RANBP2: variants seen among roughly 807,000 people sequenced by gnomAD.
RANBP2 encodes the protein E3 SUMO-protein ligase RanBP2.
A neutral mutation model predicts 303.6 loss-of-function variants in RANBP2; 57 were observed. The ratio of observed to expected loss-of-function variants is 0.19; its 90% CI spans 0.15 to 0.23. The LOEUF is 0.23. Ranked by LOEUF, RANBP2 falls within the 10% of genes least tolerant of loss-of-function variation. The pLI, the probability that RANBP2 is intolerant of heterozygous loss-of-function variation, is 1.00. For synonymous variants in RANBP2, 1,167 were observed against 1,301.5 expected, an observed-to-expected ratio of 0.90 and a Z score of 2.23; for missense variants, 3,138 against 3,780.8, an observed-to-expected ratio of 0.83 and a Z score of 4.46.
chr2:108,854,016 T>A, the RANBP2 span, among the ~76,000 whole-genome samples: 3 of 113,898 alleles, frequency 2.6e-5, no homozygotes, highest in Non-Finnish European at 3.5e-5. Context: ...ATATAATATA[T>A]AATAAATTTA....
the RANBP2 span, among the ~76,000 whole-genome samples, chr2:109,213,805 G>A: frequency 6.6e-6 from 1 of 152,212 alleles, no homozygotes; most frequent in African/African-American, 2.4e-5. Flanking sequence ...AGGGTGTGGT[G>A]TGGTGTGGTG....
chr2:108,763,156 A>C lies in RANBP2; in HGVS notation c.2698-81A>C, dbSNP rs80190310. On this transcript the variant is annotated intron_variant, in intron 19 of 28. Coordinates refer to ENST00000283195, the MANE Select transcript of RANBP2 (RefSeq NM_006267.5). ...TTCTTCACTTCATATTCATGTTTGAAGTTTGTGAGAATTGGTTTGCATTTA... is the reference window on the plus strand; with the variant it reads ...TTCTTCACTTCATATTCATGTTTGACGTTTGTGAGAATTGGTTTGCATTTA... 6,871 of 1,435,608 alleles carry C rather than the reference A, an allele frequency of 4.8e-3. 281 individuals are homozygous for C. The African/African-American group carries it at 0.085, about 18-fold the overall frequency. 88.9% of individuals were successfully genotyped at this position (1,435,608 alleles called of 1,614,324 possible). A position where few individuals can be genotyped will look rare whatever the true frequency, so the allele number is the denominator to read the frequency against.
At chr2:108,730,646 T>C in intron 2 of RANBP2, 128 bp from the exon 3 acceptor site, 1 of 1,301,170 alleles carries the variant, frequency 7.7e-7, no homozygotes, top group Non-Finnish European at 1.1e-6. Flanking sequence ...TCTGTATGAA[T>C]AGCGGTAGTT....
the RANBP2 span, among the ~76,000 whole-genome samples, chr2:109,313,282 A>C: frequency 6.6e-6 from 1 of 152,206 alleles, no homozygotes; most frequent in East Asian, 1.9e-4. Flanking sequence ...CCTTACCCCA[A>C]ACCTGCTGTA....
At chr2:109,042,580 C>T in the RANBP2 span, among the ~76,000 whole-genome samples, 1 of 152,196 alleles carries the variant, frequency 6.6e-6, no homozygotes, top group Non-Finnish European at 1.5e-5. Context: ...AAGAACAGTT[C>T]TAAAGGCCAA....
In RANBP2 at chr2:108,764,207, G is replaced by A; in HGVS notation, c.3668G>A (p.Arg1223Lys). The stretch of plus-strand genomic sequence containing the variant: ...GGGATTGGCAATGTAAAAATACTGA[G>A]GCATAAAACATCTGGTAAAATTCGC... The part of the protein sequence containing the change: ...ERGIGNVKIL[R>K]HKTSGKIRLL... Residue 1223 changes from arginine to lysine, a missense_variant, in exon 20 of 29, where the codon AGG becomes AAG. This residue lies in a region of RANBP2 where 72 missense variants were observed against 119.5 expected (regional missense o/e 0.60). Coordinates refer to ENST00000283195, the MANE Select transcript of RANBP2 (RefSeq NM_006267.5). The A allele has an allele frequency of 2.5e-6, 4 of 1,613,984 alleles. No homozygotes were observed. Among genetic ancestry groups the A allele is most frequent in the Non-Finnish European group, 3.4e-6 (4 of 1,179,974 alleles).
chr2:109,390,712 C>A, the RANBP2 span, among the ~76,000 whole-genome samples: 8 of 152,296 alleles, frequency 5.3e-5, no homozygotes, highest in South Asian at 1.7e-3. Context: ...GCATTGACAG[C>A]CGCAGGGCAG....
chr2:108,751,832 A>C (rs749636982), intron 11 of RANBP2, 39 bp from the exon 12 acceptor site: 1 of 1,612,036 alleles, frequency 6.2e-7, no homozygotes, highest in East Asian at 2.2e-5. Context: ...TGAACTGTGT[A>C]TTTAGAAAGC....
the RANBP2 span, among the ~76,000 whole-genome samples, chr2:109,451,088 A>C: frequency 6.6e-6 from 1 of 152,228 alleles, no homozygotes; most frequent in African/African-American, 2.4e-5. Flanking sequence ...GCAGGGCCTC[A>C]GCACCTCCTG....
the RANBP2 span, among the ~76,000 whole-genome samples, chr2:109,377,374 C>T: frequency 4.6e-5 from 7 of 152,074 alleles, no homozygotes; most frequent in Non-Finnish European, 1.0e-4. Flanking sequence ...CTAGTCATCC[C>T]AGTGTCTGCT....
At chr2:109,498,786 G>A in the RANBP2 span, among the ~76,000 whole-genome samples, 2 of 152,226 alleles carry the variant, frequency 1.3e-5, no homozygotes, top group Non-Finnish European at 2.9e-5. Context: ...AGGCAGGATG[G>A]GTTGGGTAAA....
the RANBP2 span, among the ~76,000 whole-genome samples, chr2:109,442,252 A>G: frequency 6.6e-6 from 1 of 150,962 alleles, no homozygotes; most frequent in African/African-American, 2.4e-5. Context: ...CAGAGCTTAC[A>G]GTGAGCCGAG....
chr2:109,622,252 A>G, the RANBP2 span, among the ~76,000 whole-genome samples: 1 of 152,192 alleles, frequency 6.6e-6, no homozygotes, highest in Non-Finnish European at 1.5e-5. Context: ...GCTAGTTCTT[A>G]GCAGTTCAGC....
At chr2:108,798,189 A>G in the RANBP2 span, among the ~76,000 whole-genome samples, 24 of 152,196 alleles carry the variant, frequency 1.6e-4, no homozygotes, top group Non-Finnish European at 2.2e-4. Context: ...TTTGGACCCT[A>G]AATTCTCTTG....
the RANBP2 span, among the ~76,000 whole-genome samples, chr2:108,902,207 C>CAA: frequency 1.3e-4 from 11 of 82,574 alleles, no homozygotes; most frequent in Non-Finnish European, 2.5e-4. Flanking sequence ...GACTCCGTCT[C>CAA]AAAAAAAAAA....
At chr2:108,798,624 CTTCTT>C in the RANBP2 span, 5 of 1,462,788 alleles carry the variant, frequency 3.4e-6, no homozygotes, top group Admixed American at 6.4e-5. Context: ...TGGTATATTT[CTTCTT>C]TTCTTCTTAG....
At chr2:109,478,092 G>A in the RANBP2 span, among the ~76,000 whole-genome samples, 1 of 152,244 alleles carries the variant, frequency 6.6e-6, no homozygotes, top group Non-Finnish European at 1.5e-5. Context: ...TGAAGAAGGG[G>A]CCCTGCCAAG....
At chr2:109,250,600 G>A in the RANBP2 span, among the ~76,000 whole-genome samples, 7 of 151,478 alleles carry the variant, frequency 4.6e-5, no homozygotes, top group African/African-American at 1.7e-4. Flanking sequence ...AATAATAACA[G>A]TAATAATAAT....
chr2:108,841,553 T>C, the RANBP2 span, among the ~76,000 whole-genome samples: 2 of 152,240 alleles, frequency 1.3e-5, no homozygotes, highest in African/African-American at 4.8e-5. Context: ...GATACTAATA[T>C]AGAGACTTCT....
Sources: allele counts gnomAD v4.1 joint callset (sites outside exome capture counted in the v4.1 genomes callset), GRCh38; gene constraint gnomAD v4.1.1; regional missense constraint gnomAD v4.1.1; transcripts MANE v1.5; gene names NCBI Gene and HGNC (gene_info 2026-07-23, HGNC 2026-07-21).